Variants in SPRED1 observed in about 807,000 individuals in gnomAD.
SPRED1 encodes the protein sprouty related EVH1 domain containing 1.
In SPRED1, 18 loss-of-function variants were observed where a neutral mutation model predicts 52.3. That is an observed-to-expected ratio of 0.34 (90% confidence interval 0.24 to 0.51). The LOEUF (loss-of-function observed/expected upper bound fraction) is 0.51, where lower values mean the gene tolerates loss of function less well. Among genes scored for constraint, SPRED1 ranks in the 20% least tolerant of loss-of-function variants. The pLI, the probability that SPRED1 is intolerant of heterozygous loss-of-function variation, is 0.97. For missense variants in SPRED1, 485 were observed against 551.0 expected (o/e 0.88, Z 1.20); for synonymous variants, 155 against 179.7 (o/e 0.86, Z 1.10).
intron 1 of SPRED1, among the ~76,000 whole-genome samples, chr15:38,269,040 C>T (rs371390263): frequency 6.6e-5 from 10 of 150,934 alleles, no homozygotes; most frequent in East Asian, 3.9e-4. Context: ...CCCGGGTTCA[C>T]GCTATTCCCC....
chr15:38,312,512 A>G (rs1895389740), intron 2 of SPRED1, among the ~76,000 whole-genome samples: 1 of 152,040 alleles, frequency 6.6e-6, no homozygotes, highest in African/African-American at 2.4e-5. Flanking sequence ...TGTGGGTAGA[A>G]TTCCCCTACA....
chr15:38,312,642 G>A (rs945683988), intron 2 of SPRED1, among the ~76,000 whole-genome samples: 2 of 152,014 alleles, frequency 1.3e-5, no homozygotes, highest in African/African-American at 4.8e-5. Context: ...CCATGTCGTC[G>A]TTGCTTTCTA....
chr15:38,338,708 C>T (rs1313546994), intron 4 of SPRED1, among the ~76,000 whole-genome samples: 1 of 152,052 alleles, frequency 6.6e-6, no homozygotes, highest in Admixed American at 6.6e-5. Context: ...CATAAAATAG[C>T]ATCGGTATTA....
chr15:38,351,326 T>G lies in SPRED1; in HGVS notation c.997T>G (p.Ser333Ala), dbSNP rs1222580149. Residue 333 changes from serine to alanine, a missense_variant, in exon 7 of 7, where the codon TCT becomes GCT. By Grantham distance (99) the Ser-to-Ala change is moderately conservative. This residue lies in a region of SPRED1 where 205 missense variants were observed against 245.2 expected (regional missense o/e 0.84). Coordinates refer to ENST00000299084, the MANE Select transcript of SPRED1 (RefSeq NM_152594.3). ...ACGAAGAAAAGAGGATGGTGAACGT[T>G]CTCGCTGCGTATACTGCCAGGAAAG... is the stretch of plus-strand genomic sequence containing the variant. ...SKRRKEDGER[S>A]RCVYCQERFN... is the part of the protein sequence containing the mutation. The G allele has an allele frequency of 1.2e-6, 2 of 1,613,996 alleles. No individual in the cohort carries two copies. The highest frequency in any genetic ancestry group is 1.7e-6 in the Non-Finnish European group (2 of 1,180,020).
chr15:38,349,503 A>G lies in SPRED1; in HGVS notation c.664A>G (p.Ser222Gly). The G allele has an allele frequency of 6.2e-7, 1 of 1,611,904 alleles. No individual in the cohort carries two copies. The highest frequency in any genetic ancestry group is 8.5e-7 in the Non-Finnish European group (1 of 1,178,310). ...GCGGCAAATATCCAAGGAATGTGGA[A>G]GCCTAAAGTCCCAAAATAGGGTAAG... ...VQRQISKECG[S>G]LKSQNRVPLK... The change falls in exon 6 of 7, where the codon AGC becomes GGC. Residue 222 changes from serine to glycine, a missense_variant. Transcript: ENST00000299084.
rs190511710 is a variant in SPRED1, at chr15:38,319,019, A to G, written c.208-3222A>G. ...AATTTTATTTGAGAGTTAATAGTTG[A>G]AAATATTAATTTTGTAAAATAGAAG... On this transcript the variant is annotated intron_variant, in intron 2 of 6. Transcript: ENST00000299084. Among the ~76,000 whole-genome samples, 366 of 152,294 alleles carry G rather than the reference A, an allele frequency of 2.4e-3. 7 individuals carry two copies. The highest frequency in any genetic ancestry group is 0.023 in the Admixed American group (350 of 15,282).
chr15:38,279,373 T>C (rs1007507781), intron 1 of SPRED1, among the ~76,000 whole-genome samples: 3 of 152,236 alleles, frequency 2.0e-5, no homozygotes, highest in African/African-American at 7.2e-5. Flanking sequence ...GCTATAGCTC[T>C]GCAATTTAGA....
intron 4 of SPRED1, among the ~76,000 whole-genome samples, chr15:38,335,638 T>C (rs1311602221): frequency 6.6e-6 from 1 of 152,132 alleles, no homozygotes; most frequent in Non-Finnish European, 1.5e-5. Context: ...ATATTTGTAT[T>C]ATATTTTTAA....
chr15:38,273,719 C>T (rs1490932293), intron 1 of SPRED1, among the ~76,000 whole-genome samples: 1 of 152,022 alleles, frequency 6.6e-6, no homozygotes, highest in Non-Finnish European at 1.5e-5. Context: ...CCAGTTGGGT[C>T]TGGCATGAGA....
intron 4 of SPRED1, among the ~76,000 whole-genome samples, chr15:38,338,647 T>G (rs1895970749): frequency 6.6e-6 from 1 of 152,142 alleles, no homozygotes; most frequent in Non-Finnish European, 1.5e-5. Context: ...AGCTTTTAGT[T>G]TCAAGAGCAT....
chr15:38,352,912 T>G lies in SPRED1; in HGVS notation c.*1248T>G, dbSNP rs1183454108. The stretch of plus-strand genomic sequence containing the variant: ...ATCCAACATTGTAAATGAAGTATCT[T>G]GTACATATAAATTTATTTCTTTTGC... On this transcript the variant is annotated 3_prime_UTR_variant, in exon 7 of 7. Transcript: ENST00000299084. 2 of 152,152 alleles carry G rather than the reference T, an allele frequency of 1.3e-5. No individual in the cohort carries two copies. The highest frequency in any genetic ancestry group is 4.8e-5 in the African/African-American group (2 of 41,458). The allele number at this position is 152,152 out of a possible 1,614,324, so 9.4% of individuals were successfully genotyped here.
chr15:38,322,516 CT>C, intron 3 of SPRED1, 107 bp downstream of exon 3: 1 of 1,138,096 alleles, frequency 8.8e-7, no homozygotes, highest in Non-Finnish European at 1.3e-6. Flanking sequence ...ACCATGTCAG[CT>C]TTTGTGATAT....
Position 38,357,050 on chromosome 15 carries a change from A to T in SPRED1, c.*5386A>T, listed in dbSNP as rs774531087. 3.3e-5 allele frequency: 5 copies of T among 152,204 alleles called. No individual in the cohort carries two copies. Among genetic ancestry groups the T allele is most frequent in the Non-Finnish European group, 5.9e-5 (4 of 68,020 alleles). 9.4% of individuals were successfully genotyped at this position (152,204 alleles called of 1,614,324 possible). ...GTAGAATAGCTTTTATAACAAGGAA[A>T]TTGAAACTAGGGTTCTAGCTTGGCT... is the stretch of plus-strand genomic sequence containing the variant. On this transcript the variant is annotated 3_prime_UTR_variant, in exon 7 of 7. Coordinates refer to ENST00000299084, the MANE Select transcript of SPRED1 (RefSeq NM_152594.3).
At chr15:38,326,274 A>G (rs1895709230) in intron 4 of SPRED1, 1 of 152,240 alleles carries the variant, frequency 6.6e-6, no homozygotes, top group Non-Finnish European at 1.5e-5. Flanking sequence ...AGGAGTTTTC[A>G]AGCAAAAGGT....
At chr15:38,274,118 CT>C (rs1224540333) in intron 1 of SPRED1, among the ~76,000 whole-genome samples, 1 of 152,184 alleles carries the variant, frequency 6.6e-6, no homozygotes, top group Admixed American at 6.5e-5. Flanking sequence ...TTAGAGTCTA[CT>C]TTAAGATCAC....
intron 2 of SPRED1, among the ~76,000 whole-genome samples, chr15:38,301,708 A>T (rs1333829584): frequency 6.6e-6 from 1 of 152,196 alleles, no homozygotes; most frequent in Non-Finnish European, 1.5e-5. Flanking sequence ...ACTGTGATCA[A>T]GACTACTTCT....
intron 1 of SPRED1, among the ~76,000 whole-genome samples, chr15:38,275,207 A>C (rs1894523905): frequency 6.6e-6 from 1 of 152,146 alleles, no homozygotes; most frequent in African/African-American, 2.4e-5. Flanking sequence ...TATTAGTATC[A>C]ATTATAATCC....
intron 1 of SPRED1, among the ~76,000 whole-genome samples, chr15:38,261,580 T>A (rs1894206931): frequency 6.6e-6 from 1 of 152,198 alleles, no homozygotes; most frequent in South Asian, 2.1e-4. Context: ...TTTGTTTTTT[T>A]AATTTATTTT....
At chr15:38,306,195 A>C (rs1367983542) in intron 2 of SPRED1, among the ~76,000 whole-genome samples, 1 of 152,116 alleles carries the variant, frequency 6.6e-6, no homozygotes, top group Non-Finnish European at 1.5e-5. Flanking sequence ...CTCAAAGGTA[A>C]TCATTTCCAT....
Sources: allele counts gnomAD v4.1 joint callset (sites outside exome capture counted in the v4.1 genomes callset), GRCh38; gene constraint gnomAD v4.1.1; regional missense constraint gnomAD v4.1.1; transcripts MANE v1.5; gene names NCBI Gene and HGNC (gene_info 2026-07-23, HGNC 2026-07-21).